CMIP: variants seen among roughly 807,000 people sequenced by gnomAD.
CMIP encodes C-Maf-inducing protein.
CMIP carries 13 observed loss-of-function variants against 97.3 expected under a neutral mutation model. That is an observed-to-expected ratio of 0.13 (90% confidence interval 0.09 to 0.21). The LOEUF (loss-of-function observed/expected upper bound fraction) is 0.21. CMIP is among the 10% of genes least tolerant of loss of function. The pLI is 1.00. For synonymous variants in CMIP, 538 were observed against 436.3 expected, an observed-to-expected ratio of 1.23 and a Z score of -2.91; for missense variants, 847 against 1,024.9, an observed-to-expected ratio of 0.83 and a Z score of 2.37.
intron 17 of CMIP, among the ~76,000 whole-genome samples, chr16:81,703,459 C>T (rs149672348): frequency 2.6e-5 from 4 of 152,050 alleles, no homozygotes; most frequent in South Asian, 2.1e-4. Flanking sequence ...AGTCACACAC[C>T]CTGATGCACA....
chr16:81,465,236 C>A (rs1192401221), intron 1 of CMIP, among the ~76,000 whole-genome samples: 4 of 152,156 alleles, frequency 2.6e-5, no homozygotes, highest in African/African-American at 9.7e-5. Flanking sequence ...GTAGGGTGTT[C>A]ATTTGCATGT....
chr16:81,586,192 AC>A (rs574567645), intron 1 of CMIP, among the ~76,000 whole-genome samples: 150 of 151,720 alleles, frequency 9.9e-4, no homozygotes, highest in African/African-American at 3.5e-3. Flanking sequence ...TGTCATCAGG[AC>A]CCCACTTACC....
In CMIP at chr16:81,621,127, A is replaced by G; in HGVS notation, c.477+201A>G. ...TTCCTGTCCCCTGCAGTGCTGAAAT[A>G]GCATTCTCGCCCTGGTGTTCTCAAA... On this transcript the variant is annotated intron_variant, in intron 3 of 20. Transcript: ENST00000537098. The surrounding 1 kb of genome is among the most constrained non-coding windows in gnomAD (Gnocchi z 4.1). 1 of 567,350 alleles carries G rather than the reference A, an allele frequency of 1.8e-6. No homozygotes were observed. Among genetic ancestry groups the G allele is most frequent in the Non-Finnish European group, 3.1e-6 (1 of 318,008 alleles). The allele number at this position is 567,350 out of a possible 1,614,324, so 35.1% of individuals were successfully genotyped here.
At position 81,668,910 on chromosome 16, in the gene CMIP, C is replaced by T. The variant is rs1338890368; in HGVS notation, c.826-1232C>T. Among the ~76,000 whole-genome samples, 7 of 145,392 alleles carry T rather than the reference C, an allele frequency of 4.8e-5. No individual in the cohort carries two copies. In the East Asian group the frequency reaches 8.0e-4, roughly 17 times the overall value. Reference sequence around the variant, plus strand: ...TTCCGTACCCACCTCACACCTTCCACACCCACCTCACACTCACGGCCTTCC... The same window carrying T: ...TTCCGTACCCACCTCACACCTTCCATACCCACCTCACACTCACGGCCTTCC... On this transcript the variant is annotated intron_variant, in intron 7 of 20. Coordinates refer to ENST00000537098, the MANE Select transcript of CMIP (RefSeq NM_198390.3).
At chr16:81,450,594 G>A (rs1906146227) in intron 1 of CMIP, among the ~76,000 whole-genome samples, 1 of 152,140 alleles carries the variant, frequency 6.6e-6, no homozygotes, top group Non-Finnish European at 1.5e-5. Flanking sequence ...AAATGGAAGG[G>A]ATTATTGTTA....
chr16:81,522,487 G>T (rs1215233100), intron 1 of CMIP, among the ~76,000 whole-genome samples: 1 of 152,244 alleles, frequency 6.6e-6, no homozygotes, highest in Non-Finnish European at 1.5e-5. Flanking sequence ...GTGCCATTTA[G>T]TGAGCACTGC....
At chr16:81,556,352 T>G (rs1328502317) in intron 1 of CMIP, among the ~76,000 whole-genome samples, 1 of 152,194 alleles carries the variant, frequency 6.6e-6, no homozygotes, top group Non-Finnish European at 1.5e-5. Flanking sequence ...GGTGCGCTGG[T>G]GTCCCTTTTA....
At position 81,530,644 on chromosome 16, in the gene CMIP, G is replaced by A. The variant is rs556557169; in HGVS notation, c.301-76923G>A. ...AGGCAGAGCAGAGCCTCTCCCGCCC[G>A]CCTCCCACATCTCTCCCTTAGCTGG... On this transcript the variant is annotated intron_variant, in intron 1 of 20. Transcript: ENST00000537098. Among the ~76,000 whole-genome samples the A allele has an allele frequency of 9.2e-5, 14 of 152,050 alleles. No individual in the cohort carries two copies. In the East Asian group the frequency reaches 1.7e-3, roughly 19 times the overall value.
chr16:81,545,923 C>A (rs1277653082), intron 1 of CMIP, among the ~76,000 whole-genome samples: 3 of 152,124 alleles, frequency 2.0e-5, no homozygotes, highest in African/African-American at 7.2e-5. Context: ...AGCGGTGTCA[C>A]CCCCTCACTG....
intron 1 of CMIP, among the ~76,000 whole-genome samples, chr16:81,553,322 G>C (rs1356577954): frequency 6.6e-6 from 1 of 152,184 alleles, no homozygotes. Context: ...GGACCTGGCT[G>C]CAGGGATGTG....
intron 1 of CMIP, among the ~76,000 whole-genome samples, chr16:81,596,391 T>A (rs13331430): frequency 0.26 from 38,826 of 150,800 alleles, 7,679 homozygotes; most frequent in African/African-American, 0.55. Flanking sequence ...CTATAGTCCC[T>A]GCTACTCGGG....
intron 1 of CMIP, among the ~76,000 whole-genome samples, chr16:81,451,232 C>G (rs1294470539): frequency 2.0e-5 from 3 of 152,126 alleles, no homozygotes; most frequent in African/African-American, 7.2e-5. Context: ...CCATACTGTT[C>G]TCTTGGTAGT....
intron 1 of CMIP, among the ~76,000 whole-genome samples, chr16:81,521,002 C>G (rs905831244): frequency 6.6e-6 from 1 of 152,198 alleles, no homozygotes; most frequent in Non-Finnish European, 1.5e-5. Context: ...AAGGACCCCC[C>G]GCCCCCTGGG....
At chr16:81,663,471 G>C (rs2092569402) in intron 6 of CMIP, among the ~76,000 whole-genome samples, 1 of 152,068 alleles carries the variant, frequency 6.6e-6, no homozygotes, top group Admixed American at 6.6e-5. Flanking sequence ...GTTGCCAGGG[G>C]TTGGGGAGAG....
chr16:81,701,339 C>T (rs1907377843), intron 15 of CMIP, among the ~76,000 whole-genome samples: 1 of 152,170 alleles, frequency 6.6e-6, no homozygotes, highest in African/African-American at 2.4e-5. Context: ...TAACTTCTGG[C>T]CTTTCCACCA....
chr16:81,654,631 A>C (rs2092463598), intron 4 of CMIP, among the ~76,000 whole-genome samples: 1 of 152,192 alleles, frequency 6.6e-6, no homozygotes, highest in East Asian at 1.9e-4. Flanking sequence ...CATGCTCTGC[A>C]GTGGTCAGTT....
intron 1 of CMIP, among the ~76,000 whole-genome samples, chr16:81,494,514 G>A (rs1449759779): frequency 1.3e-5 from 2 of 152,192 alleles, no homozygotes; most frequent in African/African-American, 2.4e-5. Flanking sequence ...ACCTTGGGGT[G>A]TAAGCGGAAC....
rs757093645 is a variant in CMIP, at chr16:81,445,260, T to G, written c.19T>G (p.Ser7Ala). 74 of 1,514,646 alleles carry G rather than the reference T, an allele frequency of 4.9e-5. No homozygotes were observed. Among genetic ancestry groups the G allele is most frequent in the Non-Finnish European group, 1.1e-5 (13 of 1,131,898 alleles). 93.8% of individuals were successfully genotyped at this position (1,514,646 alleles called of 1,614,324 possible). A position where few individuals can be genotyped will look rare whatever the true frequency, so the allele number is the denominator to read the frequency against. ...CGCGGCCATGGATGTGACCAGCAGC[T>G]CGGGCGGCGGCGGCGACCCCCGGCA... is the stretch of plus-strand genomic sequence containing the variant. MDVTSSSGGGGDPRQIE... is the reference protein window; with the variant it reads MDVTSSAGGGGDPRQIE... The change falls in exon 1 of 21, where the codon TCG (serine) becomes GCG (alanine). Residue 7 changes from serine to alanine, a missense_variant. Ser to Ala is a moderately conservative substitution (Grantham distance 99). Coordinates refer to ENST00000537098, the MANE Select transcript of CMIP (RefSeq NM_198390.3).
At chr16:81,545,488 G>A (rs1001354742) in intron 1 of CMIP, among the ~76,000 whole-genome samples, 1 of 152,172 alleles carries the variant, frequency 6.6e-6, no homozygotes, top group African/African-American at 2.4e-5. Context: ...CGTCTCCTGT[G>A]TGAAGAGTCC....
Sources: gnomAD v4.1 joint callset for allele counts (sites outside exome capture counted in the v4.1 genomes callset) on GRCh38, gnomAD v4.1.1 for gene constraint, Gnocchi (gnomAD v3.1) non-coding constraint, MANE v1.5 for transcripts, NCBI Gene and HGNC (gene_info 2026-07-23, HGNC 2026-07-21) for gene names.